Variants in TENM2 observed in about 807,000 individuals in gnomAD.
The protein encoded by TENM2 is teneurin transmembrane protein 2.
TENM2 carries 52 observed loss-of-function variants against 245.2 expected under a neutral mutation model. That is an observed-to-expected ratio of 0.21 (90% CI 0.17 to 0.27). TENM2 has a LOEUF of 0.27. TENM2 is among the 10% of genes least tolerant of loss of function. TENM2 has a pLI of 1.00. For missense variants in TENM2, 3,046 were observed against 3,666.8 expected, an observed-to-expected ratio of 0.83 and a Z score of 4.37; for synonymous variants, 1,363 against 1,438.9, an observed-to-expected ratio of 0.95 and a Z score of 1.19.
chr5:167,866,439 A>G (rs1304648109), intron 2 of TENM2, among the ~76,000 whole-genome samples: 1 of 150,700 alleles, frequency 6.6e-6, no homozygotes, highest in Non-Finnish European at 1.5e-5. Flanking sequence ...CAGAGGCTGC[A>G]GTGAGCCAAG....
the TENM2 span, among the ~76,000 whole-genome samples, chr5:167,238,459 T>G: frequency 6.6e-6 from 1 of 152,126 alleles, no homozygotes; most frequent in Non-Finnish European, 1.5e-5. Context: ...TCTCTCTCCA[T>G]GAAGATAGGC....
At chr5:167,611,935 A>G (rs969331855) in intron 2 of TENM2, among the ~76,000 whole-genome samples, 5 of 152,114 alleles carry the variant, frequency 3.3e-5, no homozygotes, top group African/African-American at 9.7e-5. Flanking sequence ...CATTCAGACC[A>G]TAGCAAATGA....
the TENM2 span, among the ~76,000 whole-genome samples, chr5:167,061,059 C>T: frequency 6.6e-6 from 1 of 150,706 alleles, no homozygotes; most frequent in Non-Finnish European, 1.5e-5. Context: ...CATTTTACTT[C>T]TAGGGGTGGT....
chr5:167,170,811 G>A, the TENM2 span, among the ~76,000 whole-genome samples: 1 of 152,094 alleles, frequency 6.6e-6, no homozygotes, highest in African/African-American at 2.4e-5. Context: ...TGGCCTGAGC[G>A]CAGTTCTCAT....
chr5:167,469,751 A>C (rs1766894593), intron 2 of TENM2, among the ~76,000 whole-genome samples: 1 of 152,126 alleles, frequency 6.6e-6, no homozygotes, highest in Non-Finnish European at 1.5e-5. Context: ...CAGAAAAATA[A>C]GACATGAGAT....
intron 5 of TENM2, among the ~76,000 whole-genome samples, chr5:168,006,954 G>A (rs1403747497): frequency 3.9e-5 from 6 of 152,158 alleles, no homozygotes; most frequent in South Asian, 4.1e-4. Context: ...GTTTGGGGTC[G>A]TGGTTACGGC....
intron 2 of TENM2, among the ~76,000 whole-genome samples, chr5:167,696,746 C>T (rs1263656290): frequency 6.6e-6 from 1 of 152,116 alleles, no homozygotes; most frequent in African/African-American, 2.4e-5. Flanking sequence ...CACTCAAAAC[C>T]ACACTTTGTC....
rs145898261 is a variant in TENM2 at position 168,209,710 on chromosome 5, A to G, written c.3825-2024A>G. Among the ~76,000 whole-genome samples the G allele has an allele frequency of 1.4e-3, 219 of 152,336 alleles. 2 individuals carry two copies. Among genetic ancestry groups the G allele is most frequent in the African/African-American group, 5.0e-3 (209 of 41,574 alleles). On this transcript the variant is annotated intron_variant, in intron 19 of 28. Transcript: ENST00000518659. ...GAGGGATTGGAGTTAGTCCAAGGCA[A>G]AGTCTGCCCAGCACTAAGGGAAGCA... is the stretch of plus-strand genomic sequence containing the variant.
At chr5:167,602,670 T>C (rs561056242) in intron 2 of TENM2, among the ~76,000 whole-genome samples, 32 of 152,294 alleles carry the variant, frequency 2.1e-4, no homozygotes, top group African/African-American at 7.7e-4. Flanking sequence ...TTGATATAAA[T>C]GTTATATAGA....
At chr5:167,620,136 A>G (rs1035249098) in intron 2 of TENM2, among the ~76,000 whole-genome samples, 7 of 152,180 alleles carry the variant, frequency 4.6e-5, no homozygotes, top group African/African-American at 1.7e-4. Context: ...TTAGTTATGC[A>G]GGGCAGCCTG....
chr5:167,331,867 GC>G (rs1243438818), intron 1 of TENM2, among the ~76,000 whole-genome samples: 7 of 152,158 alleles, frequency 4.6e-5, no homozygotes, highest in Middle Eastern at 3.4e-3. Context: ...CTTTTGTGTA[GC>G]CTATCACAAT....
exon 6 of TENM2, chr5:168,047,499 C>T: frequency 6.4e-7 from 1 of 1,551,706 alleles, no homozygotes; most frequent in Non-Finnish European, 8.7e-7. Context: ...GGGATAAGGA[C>T]CGGCTTACCA....
the TENM2 span, among the ~76,000 whole-genome samples, chr5:167,085,867 C>T: frequency 6.6e-6 from 1 of 152,280 alleles, no homozygotes; most frequent in South Asian, 2.1e-4. Context: ...TTAAGCAGTA[C>T]AGGTAGGAAG....
At chr5:167,651,465 G>C (rs1754458090) in intron 2 of TENM2, among the ~76,000 whole-genome samples, 1 of 151,704 alleles carries the variant, frequency 6.6e-6, no homozygotes, top group African/African-American at 2.4e-5. Flanking sequence ...CCTACAAAAT[G>C]AGGATGTTCT....
At chr5:167,900,176 C>T (rs561091209) in intron 3 of TENM2, among the ~76,000 whole-genome samples, 1 of 144,340 alleles carries the variant, frequency 6.9e-6, no homozygotes, top group African/African-American at 2.6e-5. Context: ...TATCTTTCTC[C>T]GGAAACATTG....
chr5:167,873,088 G>A (rs1773120177), intron 2 of TENM2, among the ~76,000 whole-genome samples: 1 of 152,220 alleles, frequency 6.6e-6, no homozygotes, highest in African/African-American at 2.4e-5. Context: ...GCTGCTAAGT[G>A]GACGTCAACA....
intron 2 of TENM2, among the ~76,000 whole-genome samples, chr5:167,655,989 A>T (rs971034779): frequency 4.6e-5 from 7 of 152,182 alleles, no homozygotes; most frequent in African/African-American, 1.7e-4. Context: ...ATAATTTGTT[A>T]ACAAAAGACC....
At chr5:167,258,229 GTA>G in the TENM2 span, among the ~76,000 whole-genome samples, 28,114 of 145,072 alleles carry the variant, frequency 0.19, 3,046 homozygotes, top group East Asian at 0.42. Flanking sequence ...ATATATATGT[GTA>G]TATATATATA....
At chr5:167,928,730 C>T (rs982950847) in intron 3 of TENM2, among the ~76,000 whole-genome samples, 12 of 151,256 alleles carry the variant, frequency 7.9e-5, no homozygotes, top group Admixed American at 2.0e-4. Context: ...CCCATCTCTA[C>T]TAAAAATACA....
Sources: gnomAD v4.1 joint callset for allele counts (sites outside exome capture counted in the v4.1 genomes callset) on GRCh38, gnomAD v4.1.1 for gene constraint, MANE v1.5 for transcripts, NCBI Gene and HGNC (gene_info 2026-07-23, HGNC 2026-07-21) for gene names.